Variants in MYO1C observed in about 807,000 individuals in gnomAD.
The protein encoded by MYO1C is myosin IC.
MYO1C carries 104 observed loss-of-function variants against 150.8 expected under a neutral mutation model. The observed-to-expected ratio is 0.69, with a 90% CI of 0.59 to 0.81. The LOEUF (loss-of-function observed/expected upper bound fraction) is 0.81, where lower values mean the gene tolerates loss of function less well. Among genes scored for constraint, MYO1C ranks in the 30% least tolerant of loss-of-function variants. The pLI is 0.00. For missense variants in MYO1C, 1,504 were observed against 1,435.0 expected (o/e 1.05, Z -0.78); for synonymous variants, 663 against 579.9 (o/e 1.14, Z -2.06).
chr17:1,469,733 C>T (rs543424903), intron 24 of MYO1C, 119 bp from the exon 25 acceptor site: 10 of 889,008 alleles, frequency 1.1e-5, no homozygotes, highest in Non-Finnish European at 1.8e-5. Context: ...GGAGACGCTT[C>T]CGGTCAAGAG....
At chr17:1,480,144 C>CA (rs34326248) in intron 7 of MYO1C, among the ~76,000 whole-genome samples, 4,719 of 40,416 alleles carry the variant, frequency 0.12, 272 homozygotes, top group African/African-American at 0.16. Context: ...GACTCCATCT[C>CA]AAAAAAAAAA....
rs772010748 is a variant in MYO1C, at chr17:1,467,329, T to A, written c.3078A>T (p.Ala1026=). 2.5e-6 allele frequency: 4 copies of A among 1,612,914 alleles called. No individual in the cohort carries two copies. The highest frequency in any genetic ancestry group is 2.2e-5 in the East Asian group (1 of 44,864). ...TGGTGCCATCCCTGCCGGGGCCCCCTGCAAACGTGATGCTGGGGGAACGGG... is the reference window on the plus strand; with the variant it reads ...TGGTGCCATCCCTGCCGGGGCCCCCAGCAAACGTGATGCTGGGGGAACGGG... ...ININQGSITF[A]GGPGRDGTID... Residue 1026 remains alanine, a synonymous_variant, in exon 31 of 32, where the codon GCA becomes GCT. Transcript: ENST00000648651.
At chr17:1,481,166 C>G in intron 5 of MYO1C, 1 of 473,792 alleles carries the variant, frequency 2.1e-6, no homozygotes, top group Admixed American at 3.4e-5. Flanking sequence ...GACCTTCTCC[C>G]TCTTCAAACA....
chr17:1,473,780 C>G (rs887848530), intron 17 of MYO1C, among the ~76,000 whole-genome samples: 2 of 152,208 alleles, frequency 1.3e-5, no homozygotes, highest in East Asian at 3.9e-4. Context: ...TGGGCCCTCA[C>G]TATAGGTTCA....
At chr17:1,477,645 C>A in intron 13 of MYO1C, 49 bp from the exon 14 acceptor site, 1 of 1,446,728 alleles carries the variant, frequency 6.9e-7, no homozygotes, top group South Asian at 1.1e-5. Flanking sequence ...CAGGTCAGAG[C>A]GCACAGAGGA....
At chr17:1,482,453 C>T in intron 5 of MYO1C, 25 bp downstream of exon 5, 7 of 1,606,344 alleles carry the variant, frequency 4.4e-6, no homozygotes, top group Non-Finnish European at 6.0e-6. Flanking sequence ...AATGGGAATC[C>T]TCACGACACA....
chr17:1,469,701 A>G (rs2074258717), intron 24 of MYO1C, 87 bp from the exon 25 acceptor site: 1 of 1,069,220 alleles, frequency 9.4e-7, no homozygotes, highest in Non-Finnish European at 1.4e-6. Flanking sequence ...CATCCTTTGG[A>G]TAAGTAACAC....
In MYO1C at chr17:1,479,279, C is replaced by G. The variant is rs1241954938; in HGVS notation, c.1092+152G>C. 9.0e-6 allele frequency: 6 copies of G among 667,838 alleles called. No individual in the cohort carries two copies. Among genetic ancestry groups the G allele is most frequent in the Non-Finnish European group, 1.6e-5 (6 of 374,616 alleles). 41.4% of individuals were successfully genotyped at this position (667,838 alleles called of 1,614,324 possible). ...AAGTGCTGGGGTTACAGGCGTGAGCCACGGCGCTCGGCTCTCACTCTGCTT... is the reference window on the plus strand; with the variant it reads ...AAGTGCTGGGGTTACAGGCGTGAGCGACGGCGCTCGGCTCTCACTCTGCTT... On this transcript the variant is annotated intron_variant, in intron 9 of 31. Transcript: ENST00000648651. This position sits in a 1 kb window ranked among gnomAD's most constrained non-coding sequence, Gnocchi z 4.2.
intron 1 of MYO1C, chr17:1,485,253 GACACCCAGAGTAT>G (rs1293129892): frequency 2.8e-5 from 32 of 1,160,426 alleles, no homozygotes; most frequent in Non-Finnish European, 3.4e-5. Flanking sequence ...CCAAAAAATG[GACACCCAGAGTAT>G]CCAGGGTCAG....
At chr17:1,466,921 C>A (rs905869977) in intron 31 of MYO1C, among the ~76,000 whole-genome samples, 4 of 152,046 alleles carry the variant, frequency 2.6e-5, no homozygotes, top group Admixed American at 6.6e-5. Flanking sequence ...GCCACTGCAC[C>A]CAGCCTTTTG....
Position 1,471,997 on chromosome 17 carries a change from T to C in MYO1C, c.1931A>G (p.His644Arg), listed in dbSNP as rs561883247. ...PGRFDEVLIR[H>R]QVKYLGLLEN... The stretch of plus-strand genomic sequence containing the variant: ...CAACAGCCCCAGGTACTTCACCTGG[T>C]GGCGGATCAGCACCTCGTCAAAGCG... The change falls in exon 19 of 32, where the codon CAC (histidine) becomes CGC (arginine). Residue 644 changes from histidine (H) to arginine (R), a missense_variant. His to Arg is a conservative substitution (Grantham distance 29, BLOSUM62 0). Coordinates refer to ENST00000648651, the MANE Select transcript of MYO1C (RefSeq NM_001080779.2). 6.2e-7 allele frequency: 1 copy of C among 1,614,018 alleles called. No homozygotes were observed. Among genetic ancestry groups the C allele is most frequent in the African/African-American group, 1.3e-5 (1 of 75,038 alleles).
chr17:1,477,612 C>T lies in MYO1C; in HGVS notation c.1483-16G>A. On this transcript the variant is annotated splice_polypyrimidine_tract_variant and intron_variant, in intron 13 of 31. Coordinates refer to ENST00000648651, the MANE Select transcript of MYO1C (RefSeq NM_001080779.2). Reference sequence around the variant, plus strand: ...ACTCCTCATCCTGGGGGGTGTGGCACAGGGGGAAGGACGTATGGGGGACAG... The same window carrying T: ...ACTCCTCATCCTGGGGGGTGTGGCATAGGGGGAAGGACGTATGGGGGACAG... 1 of 1,606,326 alleles carries T rather than the reference C, an allele frequency of 6.2e-7. No individual in the cohort carries two copies. Among genetic ancestry groups the T allele is most frequent in the Non-Finnish European group, 8.5e-7 (1 of 1,173,778 alleles).
chr17:1,477,811 C>T, intron 13 of MYO1C, 80 bp downstream of exon 13: 2 of 1,394,322 alleles, frequency 1.4e-6, no homozygotes, highest in Non-Finnish European at 2.0e-6. Context: ...CCTCCGTGGA[C>T]CAGCCTGGAG....
intron 24 of MYO1C, among the ~76,000 whole-genome samples, 169 bp downstream of exon 24, chr17:1,470,006 G>A (rs193150349): frequency 4.7e-4 from 71 of 151,782 alleles, no homozygotes; most frequent in African/African-American, 1.6e-3. Flanking sequence ...CTCCCTGGGC[G>A]AAAGTGTGAG....
At chr17:1,487,845 C>G (rs1374177632) in intron 1 of MYO1C, among the ~76,000 whole-genome samples, 1 of 152,184 alleles carries the variant, frequency 6.6e-6, no homozygotes, top group African/African-American at 2.4e-5. Context: ...CGCTTGAACC[C>G]GGGAGACGGA....
rs2302456 is a variant in MYO1C at position 1,471,209 on chromosome 17, C to T, written c.2135+14G>A. 0.072 allele frequency: 116,615 copies of T among 1,613,702 alleles called. 4,902 individuals carry two copies. Among genetic ancestry groups the T allele is most frequent in the Admixed American group, 0.18 (10,515 of 59,996 alleles). Reference sequence around the variant, plus strand: ...TCCCATTCCCCGCAGGCACCCGGCACGGACACTACCCACCTGCCCATCTTG... The same window carrying T: ...TCCCATTCCCCGCAGGCACCCGGCATGGACACTACCCACCTGCCCATCTTG... On this transcript the variant is annotated intron_variant, in intron 20 of 31. Coordinates refer to ENST00000648651, the MANE Select transcript of MYO1C (RefSeq NM_001080779.2).
rs1390899261 is a variant in MYO1C, at chr17:1,478,403, C to T, written c.1295+7G>A. 1 of 1,614,032 alleles carries T rather than the reference C, an allele frequency of 6.2e-7. No individual in the cohort carries two copies. The highest frequency in any genetic ancestry group is 1.3e-5 in the African/African-American group (1 of 74,926). On this transcript the variant is annotated splice_region_variant and intron_variant, in intron 11 of 31. Coordinates refer to ENST00000648651, the MANE Select transcript of MYO1C (RefSeq NM_001080779.2). This position sits in a 1 kb window ranked among gnomAD's most constrained non-coding sequence, Gnocchi z 6.3. ...GGGAGGAGAGACGGGGGAAAGATGG[C>T]ACCGACCTGTTATGCTGAAACACTT... is the stretch of plus-strand genomic sequence containing the variant.
Position 1,477,421 on chromosome 17 carries a change from T to G in MYO1C, c.1574+84A>C, listed in dbSNP as rs962159400. On this transcript the variant is annotated intron_variant, in intron 14 of 31. Coordinates refer to ENST00000648651, the MANE Select transcript of MYO1C (RefSeq NM_001080779.2). ...TGGTCACCTCCTTGTGGCTGGTGTT[T>G]TGTGATGGCGGAGGGACTCCTGCAC... is the stretch of plus-strand genomic sequence containing the variant. The G allele has an allele frequency of 8.7e-6, 11 of 1,269,902 alleles. No individual in the cohort carries two copies. In the African/African-American group the frequency reaches 1.6e-4, roughly 19 times the overall value. The allele number at this position is 1,269,902 out of a possible 1,614,324, so 78.7% of individuals were successfully genotyped here.
rs192089149 is a variant in MYO1C, at chr17:1,472,627, T to C, written c.1798-399A>G. Reference sequence around the variant, plus strand: ...GCGGGACCTGGAAGGATCTCAGGCCTGGCGGAGGAGCACGCTCCTTGGCAA... The same window carrying C: ...GCGGGACCTGGAAGGATCTCAGGCCCGGCGGAGGAGCACGCTCCTTGGCAA... On this transcript the variant is annotated intron_variant, in intron 17 of 31. Transcript: ENST00000648651. Among the ~76,000 whole-genome samples, 8 of 152,342 alleles carry C rather than the reference T, an allele frequency of 5.3e-5. No homozygotes were observed. The East Asian group carries it at 1.4e-3, about 26-fold the overall frequency.
Sources: allele counts gnomAD v4.1 joint callset (sites outside exome capture counted in the v4.1 genomes callset), GRCh38; gene constraint gnomAD v4.1.1; non-coding constraint Gnocchi (gnomAD v3.1); transcripts MANE v1.5; gene names NCBI Gene and HGNC (gene_info 2026-07-23, HGNC 2026-07-21).